The following LRRC8D variants were observed in gnomAD, a reference collection of about 807,000 sequenced individuals.
LRRC8D encodes leucine rich repeat containing 8 VRAC subunit D, also known as volume-regulated anion channel subunit LRRC8D.
A neutral mutation model predicts 55.8 loss-of-function variants in LRRC8D; 20 were observed. The observed-to-expected ratio is 0.36, with a 90% CI of 0.25 to 0.52. The LOEUF (loss-of-function observed/expected upper bound fraction) is 0.52. Among genes scored for constraint, LRRC8D ranks in the 20% least tolerant of loss-of-function variants. LRRC8D has a pLI of 0.93. For synonymous variants in LRRC8D, 352 were observed against 377.0 expected, an observed-to-expected ratio of 0.93 and a Z score of 0.77; for missense variants, 651 against 1,030.8, an observed-to-expected ratio of 0.63 and a Z score of 5.05.
At chr1:89,866,834 A>G (rs182681357) in intron 2 of LRRC8D, among the ~76,000 whole-genome samples, 54 of 152,296 alleles carry the variant, frequency 3.5e-4, no homozygotes, top group Admixed American at 2.9e-3. Context: ...GCAGGGCAGC[A>G]AGGAGAGTTA....
chr1:89,912,171 A>G (rs912901178), intron 2 of LRRC8D, among the ~76,000 whole-genome samples: 1 of 152,190 alleles, frequency 6.6e-6, no homozygotes, highest in African/African-American at 2.4e-5. Flanking sequence ...CATGTTGACT[A>G]TAGAGTAGTT....
At chr1:89,865,842 A>G (rs1272289280) in intron 2 of LRRC8D, among the ~76,000 whole-genome samples, 3 of 152,228 alleles carry the variant, frequency 2.0e-5, no homozygotes, top group African/African-American at 7.2e-5. Flanking sequence ...CAGAATCAGG[A>G]ACAGGAATAT....
intron 2 of LRRC8D, among the ~76,000 whole-genome samples, chr1:89,910,920 T>A (rs1570882744): frequency 6.6e-6 from 1 of 152,140 alleles, no homozygotes. Context: ...GCACAGCTCC[T>A]CCCCTCTCTA....
rs1007797311 is a variant in LRRC8D, at chr1:89,868,353, G to A, written c.-3+24571G>A. Among the ~76,000 whole-genome samples the A allele has an allele frequency of 5.3e-5, 8 of 152,230 alleles. No individual in the cohort carries two copies. The East Asian group carries it at 5.8e-4, about 11-fold the overall frequency. ...ATTATAATAAGTAAAAACAGGCTGCGCAAACCGTCCCTGGGTTAAATTCTT... is the reference window on the plus strand; with the variant it reads ...ATTATAATAAGTAAAAACAGGCTGCACAAACCGTCCCTGGGTTAAATTCTT... On this transcript the variant is annotated intron_variant, in intron 2 of 2. Transcript: ENST00000337338.
rs397945689 is a variant in LRRC8D, at chr1:89,914,699, G to GTT, written c.-2-18354_-2-18353dup. Among the ~76,000 whole-genome samples the GTT allele has an allele frequency of 8.5e-3, 1,138 of 133,922 alleles. 14 individuals carry two copies. The highest frequency in any genetic ancestry group is 0.027 in the African/African-American group (975 of 36,644). 87.9% of individuals were successfully genotyped at this position (133,922 alleles called of 152,430 possible). On this transcript the variant is annotated intron_variant, in intron 2 of 2. Coordinates refer to ENST00000337338, the MANE Select transcript of LRRC8D (RefSeq NM_001134479.2). ...CTTGTTGCTGGTCTCAGTTATCACA[G>GTT]TTTTTTTTTTTTTTTGCATTTATAC... is the stretch of plus-strand genomic sequence containing the variant.
At chr1:89,880,220 G>T in intron 2 of LRRC8D, among the ~76,000 whole-genome samples, 1 of 141,396 alleles carries the variant, frequency 7.1e-6, no homozygotes, top group East Asian at 2.1e-4. Flanking sequence ...TAGAATTTGT[G>T]GGGACAGGGA....
rs148486933 is a variant in LRRC8D at position 89,924,260 on chromosome 1, G to C, written c.-2-8807G>C. ...CAATCCCATTAAGAAATGGGCAAAG[G>C]ACATGAACAAACACTTCTCAAAAGA... On this transcript the variant is annotated intron_variant, in intron 2 of 2. Transcript: ENST00000337338. Among the ~76,000 whole-genome samples, 10 of 152,178 alleles carry C rather than the reference G, an allele frequency of 6.6e-5. No individual in the cohort carries two copies. In the East Asian group the frequency reaches 1.9e-3, roughly 29 times the overall value.
At chr1:89,860,062 A>G (rs1393375138) in intron 2 of LRRC8D, among the ~76,000 whole-genome samples, 1 of 152,170 alleles carries the variant, frequency 6.6e-6, no homozygotes, top group Non-Finnish European at 1.5e-5. Context: ...CACTTTATGG[A>G]TGGGGCCTAA....
intron 2 of LRRC8D, among the ~76,000 whole-genome samples, chr1:89,906,789 A>G (rs1663005496): frequency 6.6e-6 from 1 of 152,176 alleles, no homozygotes; most frequent in Non-Finnish European, 1.5e-5. Flanking sequence ...TAATGACTAC[A>G]GAAGTGAACG....
At chr1:89,841,091 A>G (rs1309124215) in intron 1 of LRRC8D, among the ~76,000 whole-genome samples, 1 of 152,248 alleles carries the variant, frequency 6.6e-6, no homozygotes, top group Non-Finnish European at 1.5e-5. Context: ...GTGAAAAGAC[A>G]TGAAGAGTTG....
intron 2 of LRRC8D, among the ~76,000 whole-genome samples, chr1:89,845,261 CAT>C (rs201606589): frequency 6.6e-6 from 1 of 152,118 alleles, no homozygotes; most frequent in Non-Finnish European, 1.5e-5. Context: ...GAGTACAAAA[CAT>C]GTAATCAATA....
chr1:89,842,027 AT>A (rs2100740193), intron 1 of LRRC8D, among the ~76,000 whole-genome samples: 1 of 152,096 alleles, frequency 6.6e-6, no homozygotes, highest in South Asian at 2.1e-4. Context: ...CCTGGCCAAC[AT>A]TGTGAAACCT....
At chr1:89,899,818 C>A (rs982160787) in intron 2 of LRRC8D, among the ~76,000 whole-genome samples, 1 of 152,202 alleles carries the variant, frequency 6.6e-6, no homozygotes, top group African/African-American at 2.4e-5. Context: ...TGAAACCTTT[C>A]TGAGCTTGTT....
At position 89,907,942 on chromosome 1, in the gene LRRC8D, C is replaced by T. The variant is rs77046865; in HGVS notation, c.-2-25125C>T. ...TAAGGGATTTGCCTAGAGTAGCAGC[C>T]CTGAAATGTGAGTGGCTTTCATAAC... On this transcript the variant is annotated intron_variant, in intron 2 of 2. Coordinates refer to ENST00000337338, the MANE Select transcript of LRRC8D (RefSeq NM_001134479.2). Among the ~76,000 whole-genome samples the T allele has an allele frequency of 4.7e-3, 718 of 152,218 alleles. 13 individuals carry two copies. The highest frequency in any genetic ancestry group is 0.037 in the East Asian group (190 of 5,180).
intron 2 of LRRC8D, among the ~76,000 whole-genome samples, chr1:89,905,969 C>T (rs150702444): frequency 2.4e-4 from 37 of 152,274 alleles, no homozygotes; most frequent in African/African-American, 8.9e-4. Flanking sequence ...CCCCTGCTTA[C>T]CAGGGACATT....
intron 2 of LRRC8D, among the ~76,000 whole-genome samples, chr1:89,920,818 G>C (rs1292578140): frequency 6.6e-6 from 1 of 151,894 alleles, no homozygotes; most frequent in Non-Finnish European, 1.5e-5. Context: ...GTGAGTATCT[G>C]TGTGTACATA....
chr1:89,888,329 T>C (rs1237406724), intron 2 of LRRC8D, among the ~76,000 whole-genome samples: 1 of 152,192 alleles, frequency 6.6e-6, no homozygotes, highest in Non-Finnish European at 1.5e-5. Flanking sequence ...AAATGGATAG[T>C]GGATGATGAG....
chr1:89,901,090 C>T (rs1271715062), intron 2 of LRRC8D, among the ~76,000 whole-genome samples: 1 of 152,292 alleles, frequency 6.6e-6, no homozygotes, highest in Non-Finnish European at 1.5e-5. Context: ...ATCAGAAGAC[C>T]AAATGGCTTC....
chr1:89,845,480 A>G (rs1218556577), intron 2 of LRRC8D, among the ~76,000 whole-genome samples: 1 of 152,192 alleles, frequency 6.6e-6, no homozygotes, highest in African/African-American at 2.4e-5. Flanking sequence ...TCTGTCACCC[A>G]GGCTGGAGTG....
Sources: gnomAD v4.1 joint callset for allele counts (sites outside exome capture counted in the v4.1 genomes callset) on GRCh38, gnomAD v4.1.1 for gene constraint, MANE v1.5 for transcripts, NCBI Gene and HGNC (gene_info 2026-07-23, HGNC 2026-07-21) for gene names.